ALG14: variants seen among roughly 807,000 people sequenced by gnomAD.
ALG14 encodes ALG14 UDP-N-acetylglucosaminyltransferase subunit, also known as UDP-N-acetylglucosamine transferase subunit ALG14.
ALG14 carries 17 observed loss-of-function variants against 22.8 expected under a neutral mutation model. The ratio of observed to expected loss-of-function variants is 0.75; its 90% CI spans 0.51 to 1.12. The LOEUF is 1.12. Ranked by LOEUF, ALG14 falls within the 50% of genes most tolerant of loss-of-function variation. The probability of loss-of-function intolerance (pLI) is 0.00; values close to 1 mark genes in which losing one functional copy is unlikely to be tolerated. For missense variants in ALG14, 288 were observed against 271.8 expected, an observed-to-expected ratio of 1.06 and a Z score of -0.42; for synonymous variants, 89 against 103.7, an observed-to-expected ratio of 0.86 and a Z score of 0.86.
At chr1:95,053,302 T>C (rs1674816601) in intron 2 of ALG14, among the ~76,000 whole-genome samples, 2 of 152,094 alleles carry the variant, frequency 1.3e-5, no homozygotes, top group East Asian at 3.8e-4. Flanking sequence ...TTATTAGGGA[T>C]AAAATGGGTC....
chr1:95,037,936 C>T (rs183031195), intron 2 of ALG14, among the ~76,000 whole-genome samples: 48 of 152,266 alleles, frequency 3.2e-4, no homozygotes, highest in African/African-American at 1.1e-3. Context: ...AAGACATTCA[C>T]AAGGAACTCA....
At chr1:95,054,332 T>TTG (rs1674858156) in intron 2 of ALG14, among the ~76,000 whole-genome samples, 1 of 152,126 alleles carries the variant, frequency 6.6e-6, no homozygotes. Flanking sequence ...ATCTGTTTGT[T>TTG]TAAAAGTATG....
chr1:95,042,011 T>C (rs1014349518), intron 2 of ALG14, among the ~76,000 whole-genome samples: 1 of 152,144 alleles, frequency 6.6e-6, no homozygotes, highest in Non-Finnish European at 1.5e-5. Context: ...GTTTGGATTA[T>C]TTCTGTAGAA....
chr1:95,051,308 C>T (rs1674741644), intron 2 of ALG14, among the ~76,000 whole-genome samples: 1 of 152,174 alleles, frequency 6.6e-6, no homozygotes, highest in Non-Finnish European at 1.5e-5. Context: ...CTCATTCTCT[C>T]ACACCCTACA....
At chr1:95,063,948 T>C (rs2100839276) in intron 2 of ALG14, among the ~76,000 whole-genome samples, 1 of 152,366 alleles carries the variant, frequency 6.6e-6, no homozygotes, top group East Asian at 1.9e-4. Context: ...GTGTCCTCTC[T>C]GATTTCACTG....
intron 2 of ALG14, chr1:95,061,834 C>T (rs1675162803): frequency 1.3e-5 from 2 of 152,286 alleles, no homozygotes; most frequent in Admixed American, 1.3e-4. Flanking sequence ...TTCGATTGGT[C>T]TGAGTTAGGC....
chr1:95,000,061 C>T (rs1287484926), intron 3 of ALG14, among the ~76,000 whole-genome samples: 1 of 152,144 alleles, frequency 6.6e-6, no homozygotes, highest in African/African-American at 2.4e-5. Flanking sequence ...ATGGCTTCTT[C>T]CTGCCTTCAA....
At chr1:95,008,123 T>C (rs762714253) in intron 3 of ALG14, among the ~76,000 whole-genome samples, 22 of 152,204 alleles carry the variant, frequency 1.4e-4, no homozygotes, top group Non-Finnish European at 3.1e-4. Context: ...CTGGTGGAGC[T>C]GTCAGCCATG....
intron 2 of ALG14, among the ~76,000 whole-genome samples, chr1:95,048,165 T>C (rs1373419625): frequency 6.6e-6 from 1 of 152,160 alleles, no homozygotes; most frequent in Non-Finnish European, 1.5e-5. Context: ...TTGATTGAAT[T>C]AGCAAATAAA....
chr1:95,064,762 G>A (rs975532994), intron 2 of ALG14, 104 bp downstream of exon 2: 1 of 954,602 alleles, frequency 1.0e-6, no homozygotes. Context: ...ACATTTGACT[G>A]CCCATTGTGG....
chr1:95,043,513 C>T (rs898221370), intron 2 of ALG14, among the ~76,000 whole-genome samples: 3 of 152,160 alleles, frequency 2.0e-5, no homozygotes, highest in Admixed American at 1.3e-4. Flanking sequence ...ATTAAAAGGC[C>T]GACTGCAGGC....
At chr1:95,024,578 A>G (rs1275892488) in intron 3 of ALG14, among the ~76,000 whole-genome samples, 2 of 152,228 alleles carry the variant, frequency 1.3e-5, no homozygotes, top group Non-Finnish European at 2.9e-5. Flanking sequence ...TAAAGTGAAC[A>G]TGAAGACTTG....
At chr1:94,986,364 G>A (rs1006645158) in intron 3 of ALG14, among the ~76,000 whole-genome samples, 3 of 152,218 alleles carry the variant, frequency 2.0e-5, no homozygotes, top group African/African-American at 7.2e-5. Context: ...AGGGAGTATA[G>A]AAGGAGTGGG....
At chr1:95,025,989 G>A (rs1168783594) in intron 3 of ALG14, among the ~76,000 whole-genome samples, 1 of 152,028 alleles carries the variant, frequency 6.6e-6, no homozygotes, top group African/African-American at 2.4e-5. Context: ...CTGGAGTGCA[G>A]TGGTGCGATC....
chr1:95,009,508 G>GT (rs1205233734), intron 3 of ALG14, among the ~76,000 whole-genome samples: 3 of 152,048 alleles, frequency 2.0e-5, no homozygotes, highest in Non-Finnish European at 4.4e-5. Context: ...AGTCACCAGG[G>GT]TTTTGACAAA....
chr1:95,007,123 T>C (rs998787710), intron 3 of ALG14, among the ~76,000 whole-genome samples: 10 of 152,212 alleles, frequency 6.6e-5, no homozygotes, highest in Non-Finnish European at 1.2e-4. Context: ...GTACTGCCAG[T>C]ATTGAAAAAT....
At chr1:95,038,851 C>T (rs767087825) in intron 2 of ALG14, among the ~76,000 whole-genome samples, 1 of 151,942 alleles carries the variant, frequency 6.6e-6, no homozygotes, top group South Asian at 2.1e-4. Context: ...TCTGGGTAGC[C>T]AGGACTACAG....
In ALG14 at chr1:94,976,599, C is replaced by A. The variant is rs752912657; in HGVS notation, c.*6477G>T. ...CCCAGCTAGTCAGGCGGCTGAGGCA[C>A]GAGAATCGCTTGAACCAGGGAGGTA... On this transcript the variant is annotated 3_prime_UTR_variant, in exon 4 of 4. Transcript: ENST00000370205. 1 of 151,704 alleles carries A rather than the reference C, an allele frequency of 6.6e-6. No individual in the cohort carries two copies. The allele number at this position is 151,704 out of a possible 1,614,324, so 9.4% of individuals were successfully genotyped here. A position where few individuals can be genotyped will look rare whatever the true frequency, so the allele number is the denominator to read the frequency against.
At chr1:95,046,467 A>G (rs1437250509) in intron 2 of ALG14, among the ~76,000 whole-genome samples, 1 of 152,250 alleles carries the variant, frequency 6.6e-6, no homozygotes, top group Non-Finnish European at 1.5e-5. Flanking sequence ...GAGGTGAAAC[A>G]GTTTCATCCT....
Sources: allele counts gnomAD v4.1 joint callset (sites outside exome capture counted in the v4.1 genomes callset), GRCh38; gene constraint gnomAD v4.1.1; transcripts MANE v1.5; gene names NCBI Gene and HGNC (gene_info 2026-07-23, HGNC 2026-07-21).